Variants in IGF2BP3 observed in about 807,000 individuals in gnomAD.
The protein encoded by IGF2BP3 is insulin-like growth factor 2 mRNA-binding protein 3.
IGF2BP3 carries 9 observed loss-of-function variants against 73.8 expected under a neutral mutation model. That is an observed-to-expected ratio of 0.12 (90% CI 0.07 to 0.21). IGF2BP3 has a LOEUF of 0.21. Among genes scored for constraint, IGF2BP3 ranks in the 10% least tolerant of loss-of-function variants. The probability of loss-of-function intolerance (pLI) is 1.00; values close to 1 mark genes in which losing one functional copy is unlikely to be tolerated. For synonymous variants in IGF2BP3, 258 were observed against 256.7 expected, an observed-to-expected ratio of 1.01 and a Z score of -0.05; for missense variants, 542 against 714.0, an observed-to-expected ratio of 0.76 and a Z score of 2.75.
At position 23,435,073 on chromosome 7, in the gene IGF2BP3, A is replaced by G. The variant is rs549888331; in HGVS notation, c.237-16249T>C. ...CACTTTGAGAGGCCGAGGCAGGTGGATCACGAGGTCAGGAGATGAGACCAT... is the reference window on the plus strand; with the variant it reads ...CACTTTGAGAGGCCGAGGCAGGTGGGTCACGAGGTCAGGAGATGAGACCAT... On this transcript the variant is annotated intron_variant, in intron 2 of 14. Coordinates refer to ENST00000258729, the MANE Select transcript of IGF2BP3 (RefSeq NM_006547.3). 6.6e-5 allele frequency among the ~76,000 whole-genome samples: 10 copies of G among 152,116 alleles called. No individual in the cohort carries two copies. In the East Asian group the frequency reaches 1.7e-3, roughly 27 times the overall value.
Position 23,469,926 on chromosome 7 carries a change from C to A in IGF2BP3, c.175+10G>T, listed in dbSNP as rs752776574. 1 of 1,604,528 alleles carries A rather than the reference C, an allele frequency of 6.2e-7. No homozygotes were observed. Among genetic ancestry groups the A allele is most frequent in the Middle Eastern group, 2.0e-4 (1 of 5,114 alleles). ...GGCGAGAGCCCGGGTGGGGCCAGGC[C>A]CGGGCCCACCTGAAAGCGCCTCGAT... On this transcript the variant is annotated intron_variant, in intron 1 of 14. Transcript: ENST00000258729. The surrounding 1 kb of genome is among the most constrained non-coding windows in gnomAD (Gnocchi z 6.1).
chr7:23,404,729 GC>G (rs1201342472), intron 3 of IGF2BP3, among the ~76,000 whole-genome samples: 1 of 147,902 alleles, frequency 6.8e-6, no homozygotes, highest in African/African-American at 2.5e-5. Flanking sequence ...GACAAAGTAG[GC>G]CATTCAGGAA....
intron 2 of IGF2BP3, among the ~76,000 whole-genome samples, chr7:23,421,476 T>A (rs1394890491): frequency 6.6e-6 from 1 of 151,662 alleles, no homozygotes; most frequent in Non-Finnish European, 1.5e-5. Flanking sequence ...GCGGATCACC[T>A]GAGGTCAGAA....
intron 12 of IGF2BP3, among the ~76,000 whole-genome samples, chr7:23,316,815 A>G (rs1312894132): frequency 6.6e-6 from 1 of 152,164 alleles, no homozygotes; most frequent in East Asian, 1.9e-4. Flanking sequence ...AAAGGAATAT[A>G]TTTATGAATT....
At chr7:23,320,648 A>G (rs1484232971) in intron 10 of IGF2BP3, among the ~76,000 whole-genome samples, 3 of 149,768 alleles carry the variant, frequency 2.0e-5, no homozygotes, top group African/African-American at 7.3e-5. Context: ...TTTGTTTAAA[A>G]AAAAAAAAAA....
chr7:23,412,946 G>A (rs1366449682), intron 3 of IGF2BP3, among the ~76,000 whole-genome samples: 8 of 127,316 alleles, frequency 6.3e-5, no homozygotes, highest in Non-Finnish European at 9.5e-5. Context: ...TGCAACCTCC[G>A]CCTCCCGGGT....
At chr7:23,424,463 C>T (rs1787442561) in intron 2 of IGF2BP3, among the ~76,000 whole-genome samples, 1 of 152,168 alleles carries the variant, frequency 6.6e-6, no homozygotes, top group Non-Finnish European at 1.5e-5. Flanking sequence ...CACCACTGCA[C>T]TCTAGCCTGG....
At chr7:23,407,950 GGGCGGGGGGC>G in intron 3 of IGF2BP3, among the ~76,000 whole-genome samples, 1 of 59,856 alleles carries the variant, frequency 1.7e-5, no homozygotes, top group Non-Finnish European at 3.7e-5. Context: ...GGGGGGCAGG[GGGCGGGGGGC>G]GGGGGGGGGG....
intron 2 of IGF2BP3, among the ~76,000 whole-genome samples, chr7:23,458,115 T>G (rs111660641): frequency 6.6e-6 from 1 of 152,196 alleles, no homozygotes; most frequent in Non-Finnish European, 1.5e-5. Context: ...GTTGTATTCA[T>G]CCTTTACACA....
At chr7:23,314,100 G>A (rs1783908117) in intron 12 of IGF2BP3, among the ~76,000 whole-genome samples, 2 of 151,908 alleles carry the variant, frequency 1.3e-5, no homozygotes, top group South Asian at 4.2e-4. Flanking sequence ...GCTCACTGCA[G>A]CTTCAACCTC....
intron 5 of IGF2BP3, among the ~76,000 whole-genome samples, chr7:23,360,419 G>A (rs1044264187): frequency 6.6e-6 from 1 of 152,100 alleles, no homozygotes; most frequent in Non-Finnish European, 1.5e-5. Flanking sequence ...TTGTGTAAAA[G>A]GAGGAATACA....
intron 2 of IGF2BP3, among the ~76,000 whole-genome samples, chr7:23,428,528 AAT>A (rs1554334302): frequency 0.012 from 1,818 of 146,478 alleles, 51 homozygotes; most frequent in African/African-American, 0.044. Context: ...AGAAAAAAAA[AAT>A]ATATATATAT....
intron 2 of IGF2BP3, among the ~76,000 whole-genome samples, chr7:23,454,785 C>T (rs1172567372): frequency 6.6e-6 from 1 of 152,186 alleles, no homozygotes; most frequent in Non-Finnish European, 1.5e-5. Flanking sequence ...ACAGAAGTGT[C>T]TATCACATTT....
intron 3 of IGF2BP3, among the ~76,000 whole-genome samples, chr7:23,372,324 T>A (rs368898268): frequency 6.6e-6 from 1 of 151,876 alleles, no homozygotes; most frequent in Admixed American, 6.6e-5. Context: ...CTGCCCCCCC[T>A]GGCCTCCCAA....
In IGF2BP3 at chr7:23,464,898, T is replaced by C. The variant is rs563995805; in HGVS notation, c.236+3584A>G. On this transcript the variant is annotated intron_variant, in intron 2 of 14. Coordinates refer to ENST00000258729, the MANE Select transcript of IGF2BP3 (RefSeq NM_006547.3). ...ATCATGAGGAAGTTTAATAAAAATATGCTTAGGTTCTTCATCACATAGGAG... is the reference window on the plus strand; with the variant it reads ...ATCATGAGGAAGTTTAATAAAAATACGCTTAGGTTCTTCATCACATAGGAG... Among the ~76,000 whole-genome samples, 3 of 152,072 alleles carry C rather than the reference T, an allele frequency of 2.0e-5. No individual in the cohort carries two copies. In the East Asian group the frequency reaches 5.8e-4, roughly 29 times the overall value.
chr7:23,317,199 C>T (rs1784015252), intron 12 of IGF2BP3, among the ~76,000 whole-genome samples: 1 of 152,098 alleles, frequency 6.6e-6, no homozygotes, highest in African/African-American at 2.4e-5. Flanking sequence ...CTCTAAGATC[C>T]CAGGGATTAG....
chr7:23,402,284 C>G (rs1189106714), intron 3 of IGF2BP3: 1 of 152,168 alleles, frequency 6.6e-6, no homozygotes, highest in Admixed American at 6.5e-5. Context: ...CTTTGCAGAA[C>G]TTTTGCACAC....
chr7:23,344,779 T>C (rs1784792194), intron 8 of IGF2BP3, among the ~76,000 whole-genome samples: 1 of 152,262 alleles, frequency 6.6e-6, no homozygotes, highest in South Asian at 2.1e-4. Context: ...AAGTTATTCC[T>C]TAACATTTTC....
chr7:23,358,469 T>C (rs377328001), intron 5 of IGF2BP3, among the ~76,000 whole-genome samples: 9 of 152,200 alleles, frequency 5.9e-5, no homozygotes, highest in African/African-American at 1.9e-4. Flanking sequence ...ATGGGGTTCA[T>C]TGGAAGTCCA....
Sources: gnomAD v4.1 joint callset for allele counts (sites outside exome capture counted in the v4.1 genomes callset) on GRCh38, gnomAD v4.1.1 for gene constraint, Gnocchi (gnomAD v3.1) non-coding constraint, MANE v1.5 for transcripts, NCBI Gene and HGNC (gene_info 2026-07-23, HGNC 2026-07-21) for gene names.